The following CNTNAP5 variants were observed in gnomAD, a reference collection of about 807,000 sequenced individuals.
CNTNAP5 encodes the protein contactin associated protein family member 5.
In CNTNAP5, 72 loss-of-function variants were observed where a neutral mutation model predicts 150.2. The ratio of observed to expected loss-of-function variants is 0.48; its 90% CI spans 0.40 to 0.58. CNTNAP5 has a LOEUF of 0.58. Ranked by LOEUF, CNTNAP5 falls within the 20% of genes least tolerant of loss-of-function variation. The pLI is 0.00. For synonymous variants in CNTNAP5, 672 were observed against 619.8 expected, an observed-to-expected ratio of 1.08 and a Z score of -1.25; for missense variants, 1,636 against 1,626.2, an observed-to-expected ratio of 1.01 and a Z score of -0.10.
chr2:124,664,917 C>T (rs113747093), intron 13 of CNTNAP5, among the ~76,000 whole-genome samples: 1 of 152,150 alleles, frequency 6.6e-6, no homozygotes, highest in Non-Finnish European at 1.5e-5. Context: ...GATCTCCTGA[C>T]GTCAGGTGAT....
intron 11 of CNTNAP5, among the ~76,000 whole-genome samples, chr2:124,571,542 T>TTTTCTTTTTTC (rs1558959255): frequency 2.6e-5 from 3 of 116,566 alleles, no homozygotes; most frequent in Non-Finnish European, 3.6e-5. Flanking sequence ...TTTTTTTTTT[T>TTTTCTTTTTTC]TTTTTTGAGA....
chr2:124,242,141 A>T, intron 2 of CNTNAP5, 59 bp from the exon 3 acceptor site: 3 of 1,352,102 alleles, frequency 2.2e-6, no homozygotes, highest in Non-Finnish European at 3.1e-6. Flanking sequence ...ATAGTTGAAA[A>T]TTGTAGCTAT....
At position 124,647,795 on chromosome 2, in the gene CNTNAP5, A is replaced by G. The variant is rs763510966; in HGVS notation, c.1914A>G (p.Thr638=). 1.2e-6 allele frequency: 2 copies of G among 1,612,684 alleles called. No homozygotes were observed. Among genetic ancestry groups the G allele is most frequent in the Non-Finnish European group, 1.7e-6 (2 of 1,179,042 alleles). ...KIWTSVQHNN[T]ELTRVRGANP... is the part of the protein sequence containing the mutation. ...GGACATCAGTGCAGCACAACAATAC[A>G]GAGCTGACCCGAGTGCGGGGCGCTA... Residue 638 remains threonine, a synonymous_variant, in exon 13 of 24, where the codon ACA becomes ACG. Coordinates refer to ENST00000682447, the MANE Select transcript of CNTNAP5 (RefSeq NM_001367498.1).
chr2:124,633,050 T>C (rs1037682331), intron 12 of CNTNAP5, among the ~76,000 whole-genome samples: 5 of 152,082 alleles, frequency 3.3e-5, no homozygotes, highest in Non-Finnish European at 4.4e-5. Context: ...ACTTCCAACA[T>C]TGGGGATTAC....
chr2:124,260,037 C>CA (rs1291003695), intron 3 of CNTNAP5, among the ~76,000 whole-genome samples: 1 of 152,046 alleles, frequency 6.6e-6, no homozygotes. Flanking sequence ...CATATGGAAC[C>CA]AAAAAAGAGC....
chr2:124,408,302 G>C (rs1305607145), intron 3 of CNTNAP5, among the ~76,000 whole-genome samples: 1 of 149,262 alleles, frequency 6.7e-6, no homozygotes, highest in Non-Finnish European at 1.5e-5. Context: ...CAGCGAGGCT[G>C]GGGGAGGGGC....
At chr2:124,188,001 T>A (rs962491576) in intron 1 of CNTNAP5, among the ~76,000 whole-genome samples, 2 of 152,146 alleles carry the variant, frequency 1.3e-5, no homozygotes, top group African/African-American at 4.8e-5. Flanking sequence ...GGAGTAGGGA[T>A]GAGCACAAAA....
At chr2:124,260,864 A>G (rs1360275603) in intron 3 of CNTNAP5, among the ~76,000 whole-genome samples, 1 of 152,174 alleles carries the variant, frequency 6.6e-6, no homozygotes, top group African/African-American at 2.4e-5. Flanking sequence ...GATATAATAC[A>G]TGTCATACTT....
At chr2:124,828,488 A>G in intron 19 of CNTNAP5, among the ~76,000 whole-genome samples, 1 of 152,038 alleles carries the variant, frequency 6.6e-6, no homozygotes. Flanking sequence ...CTCAAAAAAC[A>G]AAAAACAAAA....
intron 21 of CNTNAP5, among the ~76,000 whole-genome samples, chr2:124,871,270 A>ATATTTATTTATTTATTTATTTATT (rs749799468): frequency 2.0e-4 from 25 of 125,818 alleles, no homozygotes; most frequent in Non-Finnish European, 2.4e-4. Context: ...ATACATATAC[A>ATATTTATTTATTTATTTATTTATT]TATTTACTTA....
At chr2:124,520,952 T>C (rs1218350801) in intron 8 of CNTNAP5, among the ~76,000 whole-genome samples, 1 of 152,218 alleles carries the variant, frequency 6.6e-6, no homozygotes, top group East Asian at 1.9e-4. Context: ...GGATGTTATT[T>C]TGGATCTGTT....
At chr2:124,758,202 A>C (rs1680880643) in intron 14 of CNTNAP5, among the ~76,000 whole-genome samples, 1 of 152,136 alleles carries the variant, frequency 6.6e-6, no homozygotes, top group Non-Finnish European at 1.5e-5. Flanking sequence ...GGAAATTGTT[A>C]ATTAAGAGTG....
intron 1 of CNTNAP5, among the ~76,000 whole-genome samples, chr2:124,102,563 G>A (rs1683088622): frequency 6.6e-6 from 1 of 152,130 alleles, no homozygotes; most frequent in Non-Finnish European, 1.5e-5. Flanking sequence ...AAGTCACAGA[G>A]GCGGACCTGG....
intron 3 of CNTNAP5, among the ~76,000 whole-genome samples, chr2:124,342,899 G>T (rs1689652889): frequency 6.6e-6 from 1 of 152,186 alleles, no homozygotes; most frequent in African/African-American, 2.4e-5. Context: ...TCTGCTTAAT[G>T]TTGGGTTGGC....
chr2:124,863,708 G>C (rs1677570985), intron 19 of CNTNAP5, among the ~76,000 whole-genome samples: 1 of 152,160 alleles, frequency 6.6e-6, no homozygotes, highest in Admixed American at 6.6e-5. Flanking sequence ...GGTGAGGACT[G>C]GGGATCAGTC....
chr2:124,883,788 A>G (rs1246127973), intron 21 of CNTNAP5, among the ~76,000 whole-genome samples: 1 of 152,106 alleles, frequency 6.6e-6, no homozygotes, highest in African/African-American at 2.4e-5. Flanking sequence ...ATGTGTCCAC[A>G]TGCATAAACA....
intron 1 of CNTNAP5, among the ~76,000 whole-genome samples, chr2:124,089,941 T>A (rs1215731009): frequency 1.3e-5 from 2 of 152,242 alleles, no homozygotes; most frequent in Non-Finnish European, 2.9e-5. Context: ...TATGTCATTA[T>A]GACCATCACC....
At chr2:124,702,726 C>T (rs1679548965) in intron 13 of CNTNAP5, among the ~76,000 whole-genome samples, 1 of 151,962 alleles carries the variant, frequency 6.6e-6, no homozygotes, top group Admixed American at 6.6e-5. Flanking sequence ...CCAAATTTCC[C>T]ATTATGTAAA....
intron 12 of CNTNAP5, among the ~76,000 whole-genome samples, chr2:124,617,765 A>T (rs1677521667): frequency 6.6e-6 from 1 of 152,096 alleles, no homozygotes; most frequent in South Asian, 2.1e-4. Context: ...AATCAAGGAG[A>T]TGACACAGCA....
Sources: gnomAD v4.1 joint callset for allele counts (sites outside exome capture counted in the v4.1 genomes callset) on GRCh38, gnomAD v4.1.1 for gene constraint, MANE v1.5 for transcripts, NCBI Gene and HGNC (gene_info 2026-07-23, HGNC 2026-07-21) for gene names.